Variants in FAIM observed in about 807,000 individuals in gnomAD.
The protein encoded by FAIM is Fas apoptotic inhibitory molecule, also known as fas apoptotic inhibitory molecule 1.
FAIM carries 14 observed loss-of-function variants against 21.2 expected under a neutral mutation model. The ratio of observed to expected loss-of-function variants is 0.66; its 90% CI spans 0.44 to 1.03. The LOEUF (loss-of-function observed/expected upper bound fraction) is 1.03. Among genes scored for constraint, FAIM ranks in the 50% least tolerant of loss-of-function variants. The probability of loss-of-function intolerance (pLI) is 0.00; values close to 1 mark genes in which losing one functional copy is unlikely to be tolerated. For synonymous variants in FAIM, 86 were observed against 80.4 expected, an observed-to-expected ratio of 1.07 and a Z score of -0.37; for missense variants, 222 against 247.1, an observed-to-expected ratio of 0.90 and a Z score of 0.68.
At chr3:138,617,943 G>A (rs1001680521) in intron 1 of FAIM, among the ~76,000 whole-genome samples, 1 of 144,872 alleles carries the variant, frequency 6.9e-6, no homozygotes, top group South Asian at 2.1e-4. Flanking sequence ...TATATATAGT[G>A]TATATAGTAA....
At chr3:138,609,576 CGACTCTCTCTCTCTCGA>C (rs2042739410) in intron 1 of FAIM, among the ~76,000 whole-genome samples, 75 of 11,866 alleles carry the variant, frequency 6.3e-3, no homozygotes, top group Middle Eastern at 0.056. Context: ...CTCTCTCTCT[CGACTCTCTCTCTCTCGA>C]CTCTCTCTCT....
At chr3:138,627,748 C>A (rs555869645) in intron 4 of FAIM, among the ~76,000 whole-genome samples, 1 of 152,292 alleles carries the variant, frequency 6.6e-6, no homozygotes, top group South Asian at 2.1e-4. Context: ...ACTGAGGTGA[C>A]CCCTGCCCAT....
rs567716838 is a variant in FAIM at position 138,621,543 on chromosome 3, G to A, written c.177+4G>A. Reference sequence around the variant, plus strand: ...AGTAGTATATGTAGATGGAAAGGTAGGAAGAAAATATGTTACTTTGTAAAA... The same window carrying A: ...AGTAGTATATGTAGATGGAAAGGTAAGAAGAAAATATGTTACTTTGTAAAA... On this transcript the variant is annotated splice_donor_region_variant and intron_variant, in intron 3 of 5. Coordinates refer to ENST00000360570, the MANE Select transcript of FAIM (RefSeq NM_001033031.2). The A allele has an allele frequency of 6.2e-7, 1 of 1,609,480 alleles. No homozygotes were observed. Among genetic ancestry groups the A allele is most frequent in the South Asian group, 1.1e-5 (1 of 90,280 alleles).
chr3:138,629,331 GGTA>G, intron 5 of FAIM, 175 bp downstream of exon 5: 1 of 505,180 alleles, frequency 2.0e-6, no homozygotes, highest in Non-Finnish European at 3.5e-6. Flanking sequence ...GATGGTGCCT[GGTA>G]CCGTGAGTTT....
intron 2 of FAIM, among the ~76,000 whole-genome samples, chr3:138,620,919 T>C (rs1166460894): frequency 6.6e-6 from 1 of 152,244 alleles, no homozygotes; most frequent in Non-Finnish European, 1.5e-5. Flanking sequence ...CTTAGTATAA[T>C]AAATTAGAAC....
At chr3:138,619,346 C>T (rs560411052) in intron 1 of FAIM, among the ~76,000 whole-genome samples, 3 of 152,200 alleles carry the variant, frequency 2.0e-5, no homozygotes, top group East Asian at 3.8e-4. Flanking sequence ...GGGCTTCTTA[C>T]GCTTCAACTT....
intron 5 of FAIM, chr3:138,629,468 G>A (rs17282752): frequency 0.33 from 68,945 of 207,520 alleles, 15,549 homozygotes; most frequent in African/African-American, 0.69. Flanking sequence ...TATATCCCCA[G>A]AGGTTGGTGT....
At chr3:138,619,124 G>GAGAGC (rs2042857907) in intron 1 of FAIM, among the ~76,000 whole-genome samples, 1 of 152,202 alleles carries the variant, frequency 6.6e-6, no homozygotes. Context: ...TTCACTCTTT[G>GAGAGC]AGAGCAGACC....
Position 138,611,029 on chromosome 3 carries a change from C to T in FAIM, c.-17+2092C>T, listed in dbSNP as rs776041850. The T allele has an allele frequency of 3.1e-6, 5 of 1,612,800 alleles. No homozygotes were observed. The African/African-American group carries it at 6.7e-5, about 22-fold the overall frequency. On this transcript the variant is annotated intron_variant, in intron 1 of 5. Coordinates refer to ENST00000360570, the MANE Select transcript of FAIM (RefSeq NM_001033031.2). ...ATCTCTTGGTATCTCCGGACTCTGC[C>T]ACTCTGAGGTTAGTGCCCTGCCCAG... is the stretch of plus-strand genomic sequence containing the variant.
At chr3:138,610,035 C>T (rs2042750848) in intron 1 of FAIM, among the ~76,000 whole-genome samples, 1 of 152,132 alleles carries the variant, frequency 6.6e-6, no homozygotes, top group Non-Finnish European at 1.5e-5. Flanking sequence ...CATAAGGGGC[C>T]GGCCCGGAGA....
At chr3:138,619,361 A>G (rs932892530) in intron 1 of FAIM, among the ~76,000 whole-genome samples, 34 of 152,220 alleles carry the variant, frequency 2.2e-4, no homozygotes, top group African/African-American at 8.2e-4. Context: ...CAACTTGAAA[A>G]GCATAGGACC....
chr3:138,609,548 CT>C (rs1315629831), intron 1 of FAIM, among the ~76,000 whole-genome samples: 1 of 55,530 alleles, frequency 1.8e-5, no homozygotes, highest in Non-Finnish European at 3.2e-5. Context: ...CTCTCTCTCT[CT>C]CTCTCTCTCT....
intron 1 of FAIM, among the ~76,000 whole-genome samples, 195 bp from the exon 2 acceptor site, chr3:138,619,516 A>C (rs1363785209): frequency 6.6e-6 from 1 of 152,232 alleles, no homozygotes; most frequent in African/African-American, 2.4e-5. Context: ...GATTTGCATG[A>C]TGTAACATCT....
chr3:138,612,682 T>C (rs1455014959), intron 1 of FAIM, among the ~76,000 whole-genome samples: 1 of 152,174 alleles, frequency 6.6e-6, no homozygotes, highest in East Asian at 1.9e-4. Context: ...TTCAAAACTT[T>C]TTGAGTGCAT....
chr3:138,623,455 T>C (rs2042908905), intron 4 of FAIM, among the ~76,000 whole-genome samples: 1 of 152,316 alleles, frequency 6.6e-6, no homozygotes, highest in African/African-American at 2.4e-5. Flanking sequence ...AGCCTTGTCC[T>C]CCTGGGCTCA....
chr3:138,631,951 T>TG (rs1292851229), intron 5 of FAIM, among the ~76,000 whole-genome samples: 3 of 152,058 alleles, frequency 2.0e-5, no homozygotes, highest in Admixed American at 6.6e-5. Context: ...GTTTGTTAAC[T>TG]GGGGGGCCTT....
intron 1 of FAIM, chr3:138,610,767 A>G: frequency 2.0e-6 from 1 of 507,166 alleles, no homozygotes; most frequent in Non-Finnish European, 3.5e-6. Flanking sequence ...TATTTTTGCA[A>G]AGACAGGATT....
chr3:138,614,437 T>C (rs1056673158), intron 1 of FAIM, among the ~76,000 whole-genome samples: 11 of 151,304 alleles, frequency 7.3e-5, no homozygotes, highest in Non-Finnish European at 1.2e-4. Context: ...TGAGACCCTA[T>C]CTCAAAAAAC....
In FAIM at chr3:138,620,329, TATG is replaced by T. The variant is rs1224539238; in HGVS notation, c.44+562_44+564del. ...TAGTTATCACTTAATAGCTGTTAGC[TATG>T]ATTATTATTACTGTAATAAATGATA... On this transcript the variant is annotated intron_variant, in intron 2 of 5. Coordinates refer to ENST00000360570, the MANE Select transcript of FAIM (RefSeq NM_001033031.2). 2.6e-5 allele frequency among the ~76,000 whole-genome samples: 4 copies of T among 152,154 alleles called. No individual in the cohort carries two copies. The East Asian group carries it at 7.7e-4, about 29-fold the overall frequency.
Sources: allele counts gnomAD v4.1 joint callset (sites outside exome capture counted in the v4.1 genomes callset), GRCh38; gene constraint gnomAD v4.1.1; transcripts MANE v1.5; gene names NCBI Gene and HGNC (gene_info 2026-07-23, HGNC 2026-07-21).